The following JARID2 variants were observed in gnomAD, a reference collection of about 807,000 sequenced individuals.
JARID2 encodes jumonji and AT-rich interaction domain containing 2.
A neutral mutation model predicts 125.6 loss-of-function variants in JARID2; 21 were observed. That is an observed-to-expected ratio of 0.17 (90% confidence interval 0.12 to 0.24). JARID2 has a LOEUF of 0.24. Among genes scored for constraint, JARID2 ranks in the 10% least tolerant of loss-of-function variants. The pLI, the probability that JARID2 is intolerant of heterozygous loss-of-function variation, is 1.00. For missense variants in JARID2, 1,303 were observed against 1,639.6 expected (o/e 0.79, Z 3.55); for synonymous variants, 736 against 661.6 (o/e 1.11, Z -1.73).
chr6:15,264,807 C>G (rs1394743932), intron 1 of JARID2, among the ~76,000 whole-genome samples: 1 of 152,184 alleles, frequency 6.6e-6, no homozygotes, highest in Non-Finnish European at 1.5e-5. Context: ...CCACATCCCT[C>G]CTACTAAAAT....
chr6:15,473,678 G>T (rs1769203079), intron 5 of JARID2, among the ~76,000 whole-genome samples: 2 of 152,046 alleles, frequency 1.3e-5, no homozygotes, highest in South Asian at 2.1e-4. Flanking sequence ...GTAGGCATCC[G>T]AGTACCAAGT....
intron 4 of JARID2, among the ~76,000 whole-genome samples, chr6:15,461,957 G>A (rs536250740): frequency 6.6e-5 from 10 of 151,908 alleles, no homozygotes; most frequent in African/African-American, 2.2e-4. Context: ...AGGCACCTCC[G>A]TATTCAGTAA....
intron 2 of JARID2, among the ~76,000 whole-genome samples, chr6:15,380,597 G>A (rs1201593455): frequency 6.6e-6 from 1 of 152,148 alleles, no homozygotes; most frequent in Non-Finnish European, 1.5e-5. Flanking sequence ...ATGGTGCATG[G>A]ATGTTTTGGC....
rs551220815 is a variant in JARID2, at chr6:15,331,654, T to C, written c.46-42463T>C. Among the ~76,000 whole-genome samples, 3 of 152,080 alleles carry C rather than the reference T, an allele frequency of 2.0e-5. No individual in the cohort carries two copies. The East Asian group carries it at 5.8e-4, about 29-fold the overall frequency. ...GCTGAGGCAGGCTGATCACCTGAGGTCGGGAGTTCGAGATCAGTCTGACCA... is the reference window on the plus strand; with the variant it reads ...GCTGAGGCAGGCTGATCACCTGAGGCCGGGAGTTCGAGATCAGTCTGACCA... On this transcript the variant is annotated intron_variant, in intron 1 of 17. Coordinates refer to ENST00000341776, the MANE Select transcript of JARID2 (RefSeq NM_004973.4).
Position 15,513,219 on chromosome 6 carries a change from C to T in JARID2, c.3267-20C>T, listed in dbSNP as rs1017589739. 4.5e-6 allele frequency: 7 copies of T among 1,551,602 alleles called. No individual in the cohort carries two copies. The highest frequency in any genetic ancestry group is 6.1e-6 in the Non-Finnish European group (7 of 1,146,020). ...GGCAGGCCGTCACTAAAGGTGCGGG[C>T]CGTCTCCCGTGTCTGGCAGGGATAC... On this transcript the variant is annotated intron_variant, in intron 15 of 17. Transcript: ENST00000341776.
At chr6:15,408,486 A>G (rs147493619) in intron 2 of JARID2, among the ~76,000 whole-genome samples, 9 of 152,264 alleles carry the variant, frequency 5.9e-5, no homozygotes, top group African/African-American at 2.2e-4. Context: ...GGGAAGAGGG[A>G]TCCCCCACTC....
intron 3 of JARID2, among the ~76,000 whole-genome samples, chr6:15,437,195 G>T (rs954969491): frequency 1.3e-4 from 20 of 152,188 alleles, no homozygotes; most frequent in Admixed American, 1.3e-3. Flanking sequence ...TCAGGGACTG[G>T]TTGGGAATGG....
At chr6:15,311,787 T>G (rs1762023437) in intron 1 of JARID2, among the ~76,000 whole-genome samples, 1 of 152,052 alleles carries the variant, frequency 6.6e-6, no homozygotes, top group African/African-American at 2.4e-5. Context: ...ATTTTTTTCC[T>G]CTTAATACCC....
chr6:15,459,923 C>G (rs1022124236), intron 4 of JARID2, among the ~76,000 whole-genome samples: 1 of 152,182 alleles, frequency 6.6e-6, no homozygotes, highest in African/African-American at 2.4e-5. Context: ...AATGGGAATA[C>G]TTTACATTAT....
chr6:15,415,069 A>G (rs904359314), intron 3 of JARID2, among the ~76,000 whole-genome samples: 4 of 152,162 alleles, frequency 2.6e-5, no homozygotes, highest in Non-Finnish European at 4.4e-5. Context: ...ATCTTGCACC[A>G]CCCTTAATCC....
chr6:15,464,855 G>C (rs930706624), intron 4 of JARID2, among the ~76,000 whole-genome samples: 1 of 152,098 alleles, frequency 6.6e-6, no homozygotes, highest in Non-Finnish European at 1.5e-5. Context: ...CATCTTCTAG[G>C]TTGAAAACAA....
At chr6:15,273,988 G>C (rs906574497) in intron 1 of JARID2, among the ~76,000 whole-genome samples, 1 of 151,096 alleles carries the variant, frequency 6.6e-6, no homozygotes, top group African/African-American at 2.4e-5. Flanking sequence ...GAGTGCAGTG[G>C]CACGATCTCA....
At chr6:15,328,866 C>T (rs1762616365) in intron 1 of JARID2, among the ~76,000 whole-genome samples, 3 of 152,220 alleles carry the variant, frequency 2.0e-5, no homozygotes, top group South Asian at 4.1e-4. Context: ...AAGGACCCTT[C>T]CTTAGATGTC....
intron 2 of JARID2, among the ~76,000 whole-genome samples, chr6:15,397,379 T>C (rs1765257918): frequency 6.6e-6 from 1 of 152,218 alleles, no homozygotes; most frequent in African/African-American, 2.4e-5. Context: ...CACCATAACC[T>C]TGTACTCTCT....
At chr6:15,481,237 A>G (rs1392991283) in intron 5 of JARID2, among the ~76,000 whole-genome samples, 1 of 152,230 alleles carries the variant, frequency 6.6e-6, no homozygotes, top group East Asian at 1.9e-4. Flanking sequence ...TATACAAATC[A>G]ATATATTTGT....
intron 4 of JARID2, among the ~76,000 whole-genome samples, chr6:15,460,311 G>C (rs1768383121): frequency 6.6e-6 from 1 of 152,148 alleles, no homozygotes; most frequent in Non-Finnish European, 1.5e-5. Context: ...CTACAGGCCA[G>C]CTGGCCTCTG....
intron 2 of JARID2, among the ~76,000 whole-genome samples, chr6:15,380,447 T>G (rs1764536623): frequency 6.6e-6 from 1 of 152,234 alleles, no homozygotes; most frequent in Non-Finnish European, 1.5e-5. Context: ...ATAGAGGGTA[T>G]CAAAAATGTA....
chr6:15,362,127 TCTG>T (rs1763818796), intron 1 of JARID2, among the ~76,000 whole-genome samples: 1 of 150,524 alleles, frequency 6.6e-6, no homozygotes, highest in East Asian at 1.9e-4. Context: ...CCTCAGGTGA[TCTG>T]CGCCCCCCCC....
intron 1 of JARID2, among the ~76,000 whole-genome samples, chr6:15,350,919 C>T (rs1456944737): frequency 6.6e-6 from 1 of 151,704 alleles, no homozygotes; most frequent in Non-Finnish European, 1.5e-5. Flanking sequence ...ATGTTAGGTC[C>T]TCAAGGATTG....
Sources: allele counts gnomAD v4.1 joint callset (sites outside exome capture counted in the v4.1 genomes callset), GRCh38; gene constraint gnomAD v4.1.1; transcripts MANE v1.5; gene names NCBI Gene and HGNC (gene_info 2026-07-23, HGNC 2026-07-21).